CDK14: variants seen among roughly 807,000 people sequenced by gnomAD.
CDK14 encodes cyclin dependent kinase 14, also known as cyclin-dependent kinase 14.
CDK14 carries 34 observed loss-of-function variants against 60.7 expected under a neutral mutation model. The observed-to-expected ratio is 0.56, with a 90% CI of 0.43 to 0.75. CDK14 has a LOEUF of 0.75. Ranked by LOEUF, CDK14 falls within the 30% of genes least tolerant of loss-of-function variation. CDK14 has a pLI of 0.00. For missense variants in CDK14, 482 were observed against 564.1 expected (o/e 0.85, Z 1.47); for synonymous variants, 197 against 203.7 (o/e 0.97, Z 0.28).
At chr7:90,606,106 A>C (rs893619712) in intron 2 of CDK14, among the ~76,000 whole-genome samples, 7 of 152,230 alleles carry the variant, frequency 4.6e-5, no homozygotes, top group African/African-American at 1.7e-4. Context: ...AAATCACAGA[A>C]TGCTCTACTT....
chr7:90,939,790 G>A (rs1329716319), intron 8 of CDK14, among the ~76,000 whole-genome samples: 1 of 151,976 alleles, frequency 6.6e-6, no homozygotes, highest in Non-Finnish European at 1.5e-5. Context: ...CCAGGTTTTA[G>A]TAGCTAAATG....
intron 5 of CDK14, among the ~76,000 whole-genome samples, chr7:90,794,404 A>G (rs1197045267): frequency 2.6e-5 from 4 of 152,186 alleles, no homozygotes; most frequent in Admixed American, 2.6e-4. Context: ...TGCGAGCTCT[A>G]TGGGAGACCA....
At chr7:90,659,837 TTCTCTCTCTCTC>T (rs58582287) in intron 2 of CDK14, among the ~76,000 whole-genome samples, 22 of 110,510 alleles carry the variant, frequency 2.0e-4, no homozygotes, top group South Asian at 7.3e-4. Flanking sequence ...CAGGGAATGC[TTCTCTCTCTCTC>T]TCTCTCTCTC....
intron 2 of CDK14, among the ~76,000 whole-genome samples, chr7:90,714,047 C>T (rs1167693574): frequency 6.6e-6 from 1 of 152,046 alleles, no homozygotes; most frequent in East Asian, 1.9e-4. Context: ...CATCTCTTTT[C>T]TATCAGCTGC....
intron 3 of CDK14, among the ~76,000 whole-genome samples, chr7:90,744,954 A>G (rs1363098324): frequency 6.6e-6 from 1 of 152,198 alleles, no homozygotes; most frequent in Non-Finnish European, 1.5e-5. Context: ...CTTATTGAAT[A>G]TGCCTTCTCC....
intron 1 of CDK14, among the ~76,000 whole-genome samples, chr7:90,599,023 C>T (rs536311478): frequency 1.3e-3 from 199 of 152,252 alleles, no homozygotes; most frequent in Non-Finnish European, 1.9e-3. Context: ...ATTTTTAAGG[C>T]GCTAGAGGTT....
intron 2 of CDK14, among the ~76,000 whole-genome samples, chr7:90,723,328 T>G (rs1802523124): frequency 6.6e-6 from 1 of 152,190 alleles, no homozygotes; most frequent in Non-Finnish European, 1.5e-5. Flanking sequence ...CAGATGCTCC[T>G]TAGCTGGCTC....
chr7:90,774,555 C>T (rs964896087), intron 4 of CDK14, among the ~76,000 whole-genome samples: 1 of 151,994 alleles, frequency 6.6e-6, no homozygotes, highest in African/African-American at 2.4e-5. Context: ...TGAATATATT[C>T]AATGGTAACA....
chr7:91,132,601 T>C lies in CDK14; in HGVS notation c.*28+14393T>C, dbSNP rs188062808. ...CTAAAGGAAGATGTATTTTTTTTCTTCTTTGAACTTATTATGTTAGATCAT... is the reference window on the plus strand; with the variant it reads ...CTAAAGGAAGATGTATTTTTTTTCTCCTTTGAACTTATTATGTTAGATCAT... On this transcript the variant is annotated intron_variant, in intron 14 of 14. Coordinates refer to ENST00000380050, the MANE Select transcript of CDK14 (RefSeq NM_001287135.2). Among the ~76,000 whole-genome samples the C allele has an allele frequency of 2.3e-3, 349 of 152,318 alleles. 6 individuals carry two copies. Among genetic ancestry groups the C allele is most frequent in the African/African-American group, 7.6e-3 (316 of 41,576 alleles).
chr7:90,672,502 G>GTTTTTTTTTTTTTTTTT (rs201978996), intron 2 of CDK14, among the ~76,000 whole-genome samples: 1 of 49,996 alleles, frequency 2.0e-5, no homozygotes, highest in Non-Finnish European at 3.4e-5. Flanking sequence ...TTCTTCTTCT[G>GTTTTTTTTTTTTTTTTT]TTTTTTTTTT....
At chr7:90,756,865 TAG>T (rs1804081483) in intron 4 of CDK14, among the ~76,000 whole-genome samples, 1 of 152,244 alleles carries the variant, frequency 6.6e-6, no homozygotes. Context: ...CTGGCATTTG[TAG>T]AGATACTTGT....
intron 14 of CDK14, among the ~76,000 whole-genome samples, chr7:91,134,273 A>G (rs6958953): frequency 0.024 from 3,615 of 152,252 alleles, 119 homozygotes; most frequent in African/African-American, 0.082. Flanking sequence ...CTATAGCTCA[A>G]CAGCTTGTAG....
At chr7:91,091,889 G>A (rs79667421) in intron 12 of CDK14, among the ~76,000 whole-genome samples, 2,014 of 151,650 alleles carry the variant, frequency 0.013, 26 homozygotes, top group Non-Finnish European at 0.021. Context: ...ACATTATGCC[G>A]ATATTGTTAG....
chr7:90,898,535 G>T (rs1010403152), intron 6 of CDK14, among the ~76,000 whole-genome samples: 1 of 151,912 alleles, frequency 6.6e-6, no homozygotes, highest in African/African-American at 2.4e-5. Flanking sequence ...AAATCTTATA[G>T]TACACTCCAA....
At chr7:90,883,738 C>G (rs1206946782) in intron 6 of CDK14, among the ~76,000 whole-genome samples, 2 of 152,152 alleles carry the variant, frequency 1.3e-5, no homozygotes, top group African/African-American at 4.8e-5. Flanking sequence ...ATCTTATCCA[C>G]CACGATCAAG....
chr7:90,866,711 T>C (rs559661684), intron 6 of CDK14, among the ~76,000 whole-genome samples: 1 of 152,286 alleles, frequency 6.6e-6, no homozygotes, highest in African/African-American at 2.4e-5. Context: ...TTGCTTTATA[T>C]TGTTGCCATG....
intron 10 of CDK14, among the ~76,000 whole-genome samples, chr7:90,992,233 A>G (rs183133177): frequency 1.1e-3 from 173 of 152,358 alleles, no homozygotes; most frequent in Non-Finnish European, 1.9e-4. Context: ...AGAAACTTCT[A>G]TTAAAAGACA....
Position 90,954,829 on chromosome 7 carries a change from T to G in CDK14, c.827-868T>G, listed in dbSNP as rs1369005131. Among the ~76,000 whole-genome samples the G allele has an allele frequency of 2.5e-4, 2 of 7,928 alleles. 1 individual carries two copies. The highest frequency in any genetic ancestry group is 1.2e-3 in the Non-Finnish European group (2 of 1,626). The allele number at this position is 7,928 out of a possible 152,430, so 5.2% of individuals were successfully genotyped here. On this transcript the variant is annotated intron_variant, in intron 8 of 14. Coordinates refer to ENST00000380050, the MANE Select transcript of CDK14 (RefSeq NM_001287135.2). ...TTTAGTAGAGACGGGGTTTCACCGGTTTAGCCGGGATGGTCTCGATCTCCT... is the reference window on the plus strand; with the variant it reads ...TTTAGTAGAGACGGGGTTTCACCGGGTTAGCCGGGATGGTCTCGATCTCCT...
intron 2 of CDK14, among the ~76,000 whole-genome samples, chr7:90,628,225 G>T (rs1308673340): frequency 6.6e-6 from 1 of 152,108 alleles, no homozygotes; most frequent in Non-Finnish European, 1.5e-5. Context: ...CCAAAGTGTT[G>T]GGATTACAGG....
Sources: allele counts gnomAD v4.1 joint callset (sites outside exome capture counted in the v4.1 genomes callset), GRCh38; gene constraint gnomAD v4.1.1; transcripts MANE v1.5; gene names NCBI Gene and HGNC (gene_info 2026-07-23, HGNC 2026-07-21).